GRIA1: variants seen among roughly 807,000 people sequenced by gnomAD.
GRIA1 encodes the protein glutamate ionotropic receptor AMPA type subunit 1.
A neutral mutation model predicts 99.2 loss-of-function variants in GRIA1; 31 were observed. The observed-to-expected ratio is 0.31, with a 90% CI of 0.23 to 0.42. The LOEUF (loss-of-function observed/expected upper bound fraction) is 0.42. Among genes scored for constraint, GRIA1 ranks in the 10% least tolerant of loss-of-function variants. The pLI, the probability that GRIA1 is intolerant of heterozygous loss-of-function variation, is 1.00. For missense variants in GRIA1, 782 were observed against 1,157.5 expected (o/e 0.68, Z 4.71); for synonymous variants, 438 against 432.4 (o/e 1.01, Z -0.16).
intron 6 of GRIA1, among the ~76,000 whole-genome samples, chr5:153,676,064 A>C (rs1045911075): frequency 6.6e-6 from 1 of 152,110 alleles, no homozygotes; most frequent in Non-Finnish European, 1.5e-5. Context: ...TCACCGTGTT[A>C]GCCAGGATGG....
At chr5:153,526,825 T>C (rs1470361060) in intron 2 of GRIA1, among the ~76,000 whole-genome samples, 4 of 152,222 alleles carry the variant, frequency 2.6e-5, no homozygotes, top group South Asian at 2.1e-4. Context: ...AAAGCTGATG[T>C]CCCTGCTGAG....
intron 11 of GRIA1, among the ~76,000 whole-genome samples, chr5:153,720,895 T>C (rs1760011435): frequency 6.6e-6 from 1 of 152,158 alleles, no homozygotes; most frequent in Admixed American, 6.5e-5. Flanking sequence ...ATGTGTATAG[T>C]CTCATTAGGA....
intron 11 of GRIA1, among the ~76,000 whole-genome samples, chr5:153,723,936 G>A (rs1312700923): frequency 1.3e-5 from 2 of 152,216 alleles, no homozygotes; most frequent in African/African-American, 2.4e-5. Flanking sequence ...CGGGCAGACT[G>A]CCTCCTCAAG....
chr5:153,547,062 C>G (rs1054359442), intron 2 of GRIA1, among the ~76,000 whole-genome samples: 1 of 152,186 alleles, frequency 6.6e-6, no homozygotes, highest in Non-Finnish European at 1.5e-5. Flanking sequence ...TCATAACCAC[C>G]TAGGCCAAGC....
At chr5:153,648,879 C>G (rs1754344424) in intron 3 of GRIA1, among the ~76,000 whole-genome samples, 1 of 149,976 alleles carries the variant, frequency 6.7e-6, no homozygotes, top group Admixed American at 6.6e-5. Flanking sequence ...CTAGAACCTG[C>G]AAATATGTCT....
At chr5:153,781,837 C>T (rs1325815820) in intron 13 of GRIA1, among the ~76,000 whole-genome samples, 1 of 152,038 alleles carries the variant, frequency 6.6e-6, no homozygotes, top group Non-Finnish European at 1.5e-5. Context: ...TTCAAAATGC[C>T]AAGTCAGTAC....
chr5:153,655,685 T>C lies in GRIA1; in HGVS notation c.646-134T>C, dbSNP rs878040. 6.8e-3 allele frequency: 4,722 copies of C among 692,974 alleles called. 156 individuals are homozygous for C. The African/African-American group carries it at 0.075, about 11-fold the overall frequency. The allele number at this position is 692,974 out of a possible 1,614,324, so 42.9% of individuals were successfully genotyped here. A position where few individuals can be genotyped will look rare whatever the true frequency, so the allele number is the denominator to read the frequency against. ...TAACAATGCCACCATCATTGGATGG[T>C]TGGGATATTGTAGTTCTAGTACTTA... is the stretch of plus-strand genomic sequence containing the variant. On this transcript the variant is annotated intron_variant, in intron 4 of 15. Coordinates refer to ENST00000285900, the MANE Select transcript of GRIA1 (RefSeq NM_000827.4).
intron 11 of GRIA1, among the ~76,000 whole-genome samples, chr5:153,721,197 AT>A (rs1760042989): frequency 6.6e-6 from 1 of 152,238 alleles, no homozygotes; most frequent in East Asian, 1.9e-4. Context: ...ATTCATATTC[AT>A]GGTGATGCTT....
At chr5:153,575,100 A>G (rs17114830) in intron 2 of GRIA1, among the ~76,000 whole-genome samples, 14,711 of 152,182 alleles carry the variant, frequency 0.097, 785 homozygotes, top group South Asian at 0.19. Context: ...AGGCTTCTAA[A>G]TCACAAGGAA....
rs144715361 is a variant in GRIA1 at position 153,567,031 on chromosome 5, T to G, written c.220+72966T>G. Among the ~76,000 whole-genome samples, 3 of 152,350 alleles carry G rather than the reference T, an allele frequency of 2.0e-5. No homozygotes were observed. In the East Asian group the frequency reaches 5.8e-4, roughly 29 times the overall value. On this transcript the variant is annotated intron_variant, in intron 2 of 15. Transcript: ENST00000285900. The stretch of plus-strand genomic sequence containing the variant: ...CGTGCCTGGCCACAAATATTGTCTT[T>G]TATTCTATGGGTTACCTATTAGCCT...
chr5:153,525,051 C>T (rs898203374), intron 2 of GRIA1: 1 of 152,174 alleles, frequency 6.6e-6, no homozygotes, highest in Non-Finnish European at 1.5e-5. Flanking sequence ...GAGGTACAGC[C>T]CATGGGACAC....
At chr5:153,639,232 C>T (rs1285928342) in intron 2 of GRIA1, among the ~76,000 whole-genome samples, 1 of 152,166 alleles carries the variant, frequency 6.6e-6, no homozygotes, top group African/African-American at 2.4e-5. Context: ...TAGGACTGAC[C>T]CTCTTAGGCC....
chr5:153,799,337 C>T (rs536609842), intron 14 of GRIA1, among the ~76,000 whole-genome samples: 14 of 152,274 alleles, frequency 9.2e-5, no homozygotes, highest in African/African-American at 3.4e-4. Flanking sequence ...TTTGTCCCTG[C>T]CCCAGGATTT....
intron 2 of GRIA1, among the ~76,000 whole-genome samples, chr5:153,604,332 G>A (rs1366794256): frequency 6.6e-6 from 1 of 152,092 alleles, no homozygotes; most frequent in African/African-American, 2.4e-5. Context: ...CAAAATCATA[G>A]TTCATGGATG....
At chr5:153,735,922 G>A (rs533448406) in intron 11 of GRIA1, among the ~76,000 whole-genome samples, 4 of 152,310 alleles carry the variant, frequency 2.6e-5, no homozygotes, top group African/African-American at 9.6e-5. Flanking sequence ...TTTCCAACAT[G>A]TTAGGTTTGA....
At chr5:153,690,005 C>T (rs1385246585) in intron 8 of GRIA1, among the ~76,000 whole-genome samples, 1 of 152,142 alleles carries the variant, frequency 6.6e-6, no homozygotes, top group Non-Finnish European at 1.5e-5. Flanking sequence ...GAAGTGGAGG[C>T]ACTGTAGCAA....
intron 8 of GRIA1, among the ~76,000 whole-genome samples, chr5:153,690,421 C>A (rs1165691890): frequency 2.0e-5 from 3 of 152,104 alleles, no homozygotes; most frequent in Admixed American, 6.6e-5. Context: ...AGCCTCCCTG[C>A]AAGTCATTAC....
intron 2 of GRIA1, among the ~76,000 whole-genome samples, chr5:153,579,757 G>A (rs1180820376): frequency 6.6e-6 from 1 of 152,116 alleles, no homozygotes; most frequent in African/African-American, 2.4e-5. Context: ...TGCTTAAGTG[G>A]TTTGCTTCAA....
At chr5:153,634,319 A>C (rs1753192498) in intron 2 of GRIA1, among the ~76,000 whole-genome samples, 1 of 122,668 alleles carries the variant, frequency 8.2e-6, no homozygotes, top group South Asian at 2.3e-4. Context: ...CTCCATCTCA[A>C]AAAAAAAAAA....
Sources: allele counts gnomAD v4.1 joint callset (sites outside exome capture counted in the v4.1 genomes callset), GRCh38; gene constraint gnomAD v4.1.1; transcripts MANE v1.5; gene names NCBI Gene and HGNC (gene_info 2026-07-23, HGNC 2026-07-21).